CHCHD10: variants seen among roughly 807,000 people sequenced by gnomAD.
The protein encoded by CHCHD10 is coiled-coil-helix-coiled-coil-helix domain-containing protein 10, mitochondrial.
CHCHD10 carries 10 observed loss-of-function variants against 14.8 expected under a neutral mutation model. The ratio of observed to expected loss-of-function variants is 0.67; its 90% CI spans 0.42 to 1.14. The LOEUF (loss-of-function observed/expected upper bound fraction) is 1.14. Among genes scored for constraint, CHCHD10 ranks in the 50% most tolerant of loss-of-function variants. The pLI is 0.00. For missense variants in CHCHD10, 203 were observed against 196.9 expected (o/e 1.03, Z -0.19); for synonymous variants, 90 against 85.2 (o/e 1.06, Z -0.31).
At chr22:23,766,755 G>C (rs1332243280) in intron 2 of CHCHD10, among the ~76,000 whole-genome samples, 1 of 152,166 alleles carries the variant, frequency 6.6e-6, no homozygotes, top group Non-Finnish European at 1.5e-5. Context: ...CCTGGCCTCT[G>C]CTGCCTTCTA....
At position 23,767,877 on chromosome 22, in the gene CHCHD10, TGGC is replaced by T; in HGVS notation, c.-6_-4del. The T allele has an allele frequency of 6.6e-7, 1 of 1,507,304 alleles. No individual in the cohort carries two copies. The highest frequency in any genetic ancestry group is 8.9e-7 in the Non-Finnish European group (1 of 1,125,388). The allele number at this position is 1,507,304 out of a possible 1,614,324, so 93.4% of individuals were successfully genotyped here. On this transcript the variant is annotated 5_prime_UTR_variant, in exon 1 of 4. Transcript: ENST00000484558. ...GCGCTGCGGCTTCCCCGAGGCATGGTGGCGGCGGTGGGACCCGGGCGACCTTAG... is the reference window on the plus strand; with the variant it reads ...GCGCTGCGGCTTCCCCGAGGCATGGTGGCGGTGGGACCCGGGCGACCTTAG...
In CHCHD10 at chr22:23,765,996, C is replaced by T. The variant is rs368129007; in HGVS notation, c.*11G>A. On this transcript the variant is annotated 3_prime_UTR_variant, in exon 4 of 4. Transcript: ENST00000484558. ...GGTGCAGGACTGGCCCCCGAGTCTGCACCGACCTCTTCAGGGCAGGGAGCT... is the reference window on the plus strand; with the variant it reads ...GGTGCAGGACTGGCCCCCGAGTCTGTACCGACCTCTTCAGGGCAGGGAGCT... 51 of 1,613,432 alleles carry T rather than the reference C, an allele frequency of 3.2e-5. No individual in the cohort carries two copies. In the African/African-American group the frequency reaches 6.5e-4, roughly 21 times the overall value.
In CHCHD10 at chr22:23,767,566, C is replaced by A. The variant is rs1298499214; in HGVS notation, c.69G>T (p.Pro23=). The change falls in exon 2 of 4, where the codon CCG becomes CCT. Residue 23 remains proline, a synonymous_variant. Transcript: ENST00000484558. ...ASRPAAPSAH[P]PAHPPPSAAA... The stretch of plus-strand genomic sequence containing the variant: ...CTGCCGAGGGCGGTGGGTGCGCGGG[C>A]GGGTGGGCAGAGGGCGCGGCTGGGC... 1.8e-6 allele frequency: 1 copy of A among 541,716 alleles called. No individual in the cohort carries two copies. 33.6% of individuals were successfully genotyped at this position (541,716 alleles called of 1,614,324 possible).
rs1926745303 is a variant in CHCHD10, at chr22:23,766,022, C to T, written c.414G>A (p.Leu138=). ...ALKQCKYYHG[L]SSLP ...ACCGACCTCTTCAGGGCAGGGAGCT[C>T]AGACCTGGGAAGGGAGGGGCAGCAC... Residue 138 remains leucine, a synonymous_variant, in exon 4 of 4, where the codon CTG becomes CTA. Coordinates refer to ENST00000484558, the MANE Select transcript of CHCHD10 (RefSeq NM_213720.3). The T allele has an allele frequency of 3.7e-6, 6 of 1,613,624 alleles. 1 individual carries two copies. The South Asian group carries it at 6.6e-5, about 18-fold the overall frequency.
Position 23,765,947 on chromosome 22 carries a change from G to A in CHCHD10, c.*60C>T. ...TGGGTACAATCTGGTGTTGTGGTCT[G>A]GCTGTCGGCGAGGGGTAGAGGTGGG... On this transcript the variant is annotated 3_prime_UTR_variant, in exon 4 of 4. Transcript: ENST00000484558. The A allele has an allele frequency of 4.3e-6, 7 of 1,611,708 alleles. No homozygotes were observed. Among genetic ancestry groups the A allele is most frequent in the Non-Finnish European group, 5.9e-6 (7 of 1,178,782 alleles).
chr22:23,767,665 G>T, intron 1 of CHCHD10, 72 bp from the exon 2 acceptor site: 2 of 834,430 alleles, frequency 2.4e-6, no homozygotes, highest in Non-Finnish European at 3.5e-6. Context: ...TCCTGGAAAC[G>T]ACCCCCGGAG....
chr22:23,766,110 C>A lies in CHCHD10; in HGVS notation c.409+18G>T, dbSNP rs374368575. 1 of 1,613,352 alleles carries A rather than the reference C, an allele frequency of 6.2e-7. No homozygotes were observed. The highest frequency in any genetic ancestry group is 1.7e-5 in the Admixed American group (1 of 59,916). On this transcript the variant is annotated intron_variant, in intron 3 of 3. Coordinates refer to ENST00000484558, the MANE Select transcript of CHCHD10 (RefSeq NM_213720.3). ...GGCCTCTCCCCCTCCCCGCCTGAGT[C>A]GGGGTCCACTCACTCACCATGGTAG...
Position 23,765,850 on chromosome 22 carries a change from C to T in CHCHD10, c.*157G>A, listed in dbSNP as rs191254040. ...ACAACAGGCTGTGGTCTAAAATAAA[C>T]TTTTAATTGCACATTTGTGTCTTGG... On this transcript the variant is annotated 3_prime_UTR_variant, in exon 4 of 4. Transcript: ENST00000484558. 5.7e-5 allele frequency: 88 copies of T among 1,531,278 alleles called. 1 individual carries two copies. In the East Asian group the frequency reaches 1.2e-3, roughly 21 times the overall value. The allele number at this position is 1,531,278 out of a possible 1,614,324, so 94.9% of individuals were successfully genotyped here.
Position 23,766,131 on chromosome 22 carries a change from G to A in CHCHD10, c.406C>T (p.His136Tyr), listed in dbSNP as rs201709051. The change falls in exon 3 of 4, where the codon CAT becomes TAT. Residue 136 changes from histidine to tyrosine, a missense_variant. Physicochemically the swap from His to Tyr is moderately conservative, Grantham distance 83. Transcript: ENST00000484558. ...GAGTCGGGGTCCACTCACTCACCAT[G>A]GTAGTACTTGCACTGCTTCAGGGCC... ...SEALKQCKYY[H>Y]GLSSLP is the part of the protein sequence containing the mutation. 4 of 1,613,614 alleles carry A rather than the reference G, an allele frequency of 2.5e-6. No individual in the cohort carries two copies. In the East Asian group the frequency reaches 8.9e-5, roughly 36 times the overall value.
Position 23,767,551 on chromosome 22 carries a change from C to A in CHCHD10, c.84G>T (p.Pro28=). The stretch of plus-strand genomic sequence containing the variant: ...CGGGGGCTGGGGCGGCTGCCGAGGG[C>A]GGTGGGTGCGCGGGCGGGTGGGCAG... ...APSAHPPAHP[P]PSAAAPAPAP... Residue 28 remains proline (P), a synonymous_variant, in exon 2 of 4, where the codon CCG becomes CCT. Transcript: ENST00000484558. 1.9e-5 allele frequency: 15 copies of A among 796,074 alleles called. No individual in the cohort carries two copies. The highest frequency in any genetic ancestry group is 2.5e-5 in the Non-Finnish European group (15 of 597,666). 49.3% of individuals were successfully genotyped at this position (796,074 alleles called of 1,614,324 possible). A position where few individuals can be genotyped will look rare whatever the true frequency, so the allele number is the denominator to read the frequency against.
intron 1 of CHCHD10, 94 bp from the exon 2 acceptor site, chr22:23,767,687 C>T: frequency 3.6e-6 from 3 of 843,938 alleles, no homozygotes; most frequent in Non-Finnish European, 5.4e-6. Flanking sequence ...GATGGACGAC[C>T]CACGTCTCCA....
Position 23,766,274 on chromosome 22 carries a change from G to GGGCGGGGGGGGGGGGGC in CHCHD10, c.262_263insGCCCCCCCCCCCCCGCC (p.Ala88GlyfsTer48). On this transcript the variant is annotated frameshift_variant and splice_region_variant, in exon 3 of 4. Coordinates refer to ENST00000484558, the MANE Select transcript of CHCHD10 (RefSeq NM_213720.3). LOFTEE classifies it high-confidence loss of function. ...GGGCTGGGGGGCAGCGGGGGTGGGG[G>GGGCGGGGGGGGGGGGGC]CCTGGGGGTACAGTGCAAGAGGCTG... The GGGCGGGGGGGGGGGGGC allele has an allele frequency of 6.9e-7, 1 of 1,440,762 alleles. No individual in the cohort carries two copies. Among genetic ancestry groups the GGGCGGGGGGGGGGGGGC allele is most frequent in the Non-Finnish European group, 9.5e-7 (1 of 1,057,520 alleles). The allele number at this position is 1,440,762 out of a possible 1,614,324, so 89.2% of individuals were successfully genotyped here.
At position 23,767,814 on chromosome 22, in the gene CHCHD10, G is replaced by T; in HGVS notation, c.41+20C>A. On this transcript the variant is annotated intron_variant, in intron 1 of 3. Transcript: ENST00000484558. ...CACTTCCCTAACCCCCTCCCCACAG[G>T]GCCCTTGTCCCCCTCACACCTGGCT... 6.5e-7 allele frequency: 1 copy of T among 1,547,412 alleles called. No individual in the cohort carries two copies. The highest frequency in any genetic ancestry group is 8.7e-7 in the Non-Finnish European group (1 of 1,147,174).
Position 23,766,282 on chromosome 22 carries a change from G to A in CHCHD10, c.262-7C>T, listed in dbSNP as rs533095236. On this transcript the variant is annotated splice_region_variant and splice_polypyrimidine_tract_variant and intron_variant, in intron 2 of 3. Coordinates refer to ENST00000484558, the MANE Select transcript of CHCHD10 (RefSeq NM_213720.3). ...GGGCAGCGGGGGTGGGGGCCTGGGG[G>A]TACAGTGCAAGAGGCTGCAGGATCA... 1.2e-5 allele frequency: 18 copies of A among 1,545,348 alleles called. No individual in the cohort carries two copies. In the Admixed American group the frequency reaches 2.5e-4, roughly 22 times the overall value.
At chr22:23,766,053 G>C (rs1299032510) in intron 3 of CHCHD10, 27 bp from the exon 4 acceptor site, 1 of 1,613,528 alleles carries the variant, frequency 6.2e-7, no homozygotes, top group South Asian at 1.1e-5. Context: ...AGCACAGGCT[G>C]GTGGTCAGCC....
Position 23,765,998 on chromosome 22 carries a change from C to A in CHCHD10, c.*9G>T, listed in dbSNP as rs1366104543. On this transcript the variant is annotated 3_prime_UTR_variant, in exon 4 of 4. Transcript: ENST00000484558. ...TGCAGGACTGGCCCCCGAGTCTGCA[C>A]CGACCTCTTCAGGGCAGGGAGCTCA... 6.2e-7 allele frequency: 1 copy of A among 1,613,474 alleles called. No individual in the cohort carries two copies. Among genetic ancestry groups the A allele is most frequent in the Non-Finnish European group, 8.5e-7 (1 of 1,179,842 alleles).
rs1287389347 is a variant in CHCHD10 at position 23,767,484 on chromosome 22, T to C, written c.151A>G (p.Thr51Ala). Residue 51 changes from threonine (T) to alanine (A), a missense_variant, in exon 2 of 4, where the codon ACG (threonine) becomes GCG (alanine). By Grantham distance (58) the Thr-to-Ala change is moderately conservative (BLOSUM62 0). Transcript: ENST00000484558. The stretch of plus-strand genomic sequence containing the variant: ...GAGCCCACGGCTACCCCTGCGGCCG[T>C]GGTCGCCATCTGAGCCATGAGCCCC... ...QPGLMAQMATTAAGVAVGSAV... is the reference protein window; with the variant it reads ...QPGLMAQMATAAAGVAVGSAV... 11 of 1,558,450 alleles carry C rather than the reference T, an allele frequency of 7.1e-6. No individual in the cohort carries two copies. Among genetic ancestry groups the C allele is most frequent in the Non-Finnish European group, 9.5e-6 (11 of 1,153,192 alleles).
rs1926938231 is a variant in CHCHD10, at chr22:23,767,509, C to T, written c.126G>A (p.Pro42=). 3 of 1,468,818 alleles carry T rather than the reference C, an allele frequency of 2.0e-6. No individual in the cohort carries two copies. Among genetic ancestry groups the T allele is most frequent in the South Asian group, 2.4e-5 (2 of 82,852 alleles). 91.0% of individuals were successfully genotyped at this position (1,468,818 alleles called of 1,614,324 possible). Residue 42 remains proline (P), a synonymous_variant, in exon 2 of 4, where the codon CCG becomes CCA. Coordinates refer to ENST00000484558, the MANE Select transcript of CHCHD10 (RefSeq NM_213720.3). ...AAPAPAPSGQ[P]GLMAQMATTA... Reference sequence around the variant, plus strand: ...TGGTCGCCATCTGAGCCATGAGCCCCGGCTGGCCCGAAGGGGCGGGGGCTG... The same window carrying T: ...TGGTCGCCATCTGAGCCATGAGCCCTGGCTGGCCCGAAGGGGCGGGGGCTG...
At chr22:23,767,627 G>T in intron 1 of CHCHD10, 34 bp from the exon 2 acceptor site, 1 of 977,496 alleles carries the variant, frequency 1.0e-6, no homozygotes, top group Non-Finnish European at 1.4e-6. Flanking sequence ...GTTAATCCTG[G>T]CCAGACCCCA....
Sources: allele counts gnomAD v4.1 joint callset (sites outside exome capture counted in the v4.1 genomes callset), GRCh38; gene constraint gnomAD v4.1.1; transcripts MANE v1.5; gene names NCBI Gene and HGNC (gene_info 2026-07-23, HGNC 2026-07-21).